CNBD1: variants seen among roughly 807,000 people sequenced by gnomAD.
CNBD1 encodes cyclic nucleotide binding domain containing 1.
A neutral mutation model predicts 54.4 loss-of-function variants in CNBD1; 71 were observed. The observed-to-expected ratio is 1.30, with a 90% CI of 1.08 to 1.59. The LOEUF is 1.59. Ranked by LOEUF, CNBD1 falls within the 40% of genes most tolerant of loss-of-function variation. The pLI is 0.00. For synonymous variants in CNBD1, 182 were observed against 170.7 expected, an observed-to-expected ratio of 1.07 and a Z score of -0.51; for missense variants, 659 against 518.0, an observed-to-expected ratio of 1.27 and a Z score of -2.64.
At chr8:87,171,224 G>A (rs759882049) in intron 4 of CNBD1, among the ~76,000 whole-genome samples, 33 of 151,976 alleles carry the variant, frequency 2.2e-4, no homozygotes, top group South Asian at 1.5e-3. Context: ...ACAGCTTTTC[G>A]ATTTATTCCT....
At chr8:87,371,628 G>T (rs996536926) in intron 10 of CNBD1, among the ~76,000 whole-genome samples, 21 of 152,062 alleles carry the variant, frequency 1.4e-4, no homozygotes, top group Non-Finnish European at 2.5e-4. Context: ...ACATCAAAAA[G>T]CTTATCCACT....
At chr8:87,061,828 A>G (rs1336926386) in intron 4 of CNBD1, among the ~76,000 whole-genome samples, 1 of 152,248 alleles carries the variant, frequency 6.6e-6, no homozygotes, top group Admixed American at 6.5e-5. Flanking sequence ...GAGCTCTGGC[A>G]GAGGGTCACA....
In CNBD1 at chr8:87,052,244, T is replaced by G. The variant is rs193057197; in HGVS notation, c.431+112490T>G. Among the ~76,000 whole-genome samples the G allele has an allele frequency of 1.7e-3, 255 of 152,340 alleles. 4 individuals carry two copies. The Middle Eastern group carries it at 0.02, about 12-fold the overall frequency. On this transcript the variant is annotated intron_variant, in intron 4 of 10. Transcript: ENST00000518476. ...TGCTCAGGAGATTTTTCTGAGGTGCTACTCAGTCCTATAGCCTGCTTCCAT... is the reference window on the plus strand; with the variant it reads ...TGCTCAGGAGATTTTTCTGAGGTGCGACTCAGTCCTATAGCCTGCTTCCAT...
At chr8:87,373,735 A>C (rs961497114) in intron 10 of CNBD1, among the ~76,000 whole-genome samples, 2 of 151,806 alleles carry the variant, frequency 1.3e-5, no homozygotes, top group African/African-American at 4.8e-5. Flanking sequence ...GTCAGATATC[A>C]AGTTCAAAAC....
At chr8:87,202,641 C>T (rs576899598) in intron 4 of CNBD1, among the ~76,000 whole-genome samples, 120 of 152,206 alleles carry the variant, frequency 7.9e-4, no homozygotes, top group Non-Finnish European at 1.4e-3. Flanking sequence ...GTTGAGGGAG[C>T]TCTGAGGAAA....
intron 4 of CNBD1, among the ~76,000 whole-genome samples, chr8:87,072,563 T>A: frequency 6.8e-6 from 1 of 147,602 alleles, no homozygotes; most frequent in Middle Eastern, 3.4e-3. Context: ...CTTTCACTTA[T>A]GAAGCTTAGT....
chr8:87,023,926 G>A (rs564069270), intron 4 of CNBD1, among the ~76,000 whole-genome samples: 1 of 152,248 alleles, frequency 6.6e-6, no homozygotes, highest in East Asian at 1.9e-4. Flanking sequence ...GAATACCTCT[G>A]ACTCATTTCG....
chr8:87,009,868 G>C (rs755914474), intron 4 of CNBD1, among the ~76,000 whole-genome samples: 2 of 152,070 alleles, frequency 1.3e-5, no homozygotes, highest in Non-Finnish European at 2.9e-5. Flanking sequence ...CAATAATTTT[G>C]TTAAGTTCTT....
chr8:87,384,075 T>C (rs190277457), downstream of CNBD1, among the ~76,000 whole-genome samples: 592 of 152,222 alleles, frequency 3.9e-3, 8 homozygotes, highest in African/African-American at 0.013. Context: ...GCCTTCAAAA[T>C]CATTTGGCTT....
At chr8:87,359,077 C>T (rs1381950446) in intron 10 of CNBD1, among the ~76,000 whole-genome samples, 4 of 152,068 alleles carry the variant, frequency 2.6e-5, no homozygotes, top group Admixed American at 6.6e-5. Context: ...ATCCCTTAGC[C>T]CAGTCAAGGT....
At chr8:86,966,231 T>A (rs2130480876) in intron 4 of CNBD1, among the ~76,000 whole-genome samples, 1 of 152,270 alleles carries the variant, frequency 6.6e-6, no homozygotes, top group South Asian at 2.1e-4. Flanking sequence ...GGAATCAATC[T>A]GCCTCCAGGG....
At chr8:87,024,979 A>C (rs1399334191) in intron 4 of CNBD1, among the ~76,000 whole-genome samples, 1 of 152,224 alleles carries the variant, frequency 6.6e-6, no homozygotes, top group Non-Finnish European at 1.5e-5. Flanking sequence ...AAAGAGGCTA[A>C]CATCTTTCTG....
At chr8:87,391,087 G>T (rs960946345) in intron 2 of CNBD1, among the ~76,000 whole-genome samples, 1 of 146,684 alleles carries the variant, frequency 6.8e-6, no homozygotes. Context: ...ACCGGGGCCT[G>T]TTGTGGGGTG....
intron 6 of CNBD1, among the ~76,000 whole-genome samples, chr8:87,258,220 T>C (rs1385599839): frequency 6.6e-6 from 1 of 152,070 alleles, no homozygotes; most frequent in South Asian, 2.1e-4. Context: ...TTAAAACACT[T>C]GATATTGTAA....
chr8:87,222,058 A>G (rs1586339857), intron 5 of CNBD1, among the ~76,000 whole-genome samples: 1 of 152,096 alleles, frequency 6.6e-6, no homozygotes. Context: ...TATCTCTGCA[A>G]TCATTTAGAC....
At chr8:87,078,332 T>C (rs1274742681) in intron 4 of CNBD1, among the ~76,000 whole-genome samples, 1 of 152,208 alleles carries the variant, frequency 6.6e-6, no homozygotes, top group Non-Finnish European at 1.5e-5. Context: ...GCTAAAATAA[T>C]AAAATAATGT....
intron 3 of CNBD1, among the ~76,000 whole-genome samples, chr8:86,930,069 G>A (rs1451298425): frequency 6.6e-6 from 1 of 152,188 alleles, no homozygotes; most frequent in Admixed American, 6.5e-5. Context: ...TCCTAGATGA[G>A]TATTTGCCCT....
At chr8:86,867,595 G>T (rs35023253) in intron 1 of CNBD1, among the ~76,000 whole-genome samples, 20,919 of 152,028 alleles carry the variant, frequency 0.14, 1,562 homozygotes, top group African/African-American at 0.18. Flanking sequence ...AATTCCATTT[G>T]TATTATAGTG....
intron 4 of CNBD1, among the ~76,000 whole-genome samples, chr8:87,059,752 T>G (rs1224568871): frequency 6.6e-6 from 1 of 152,210 alleles, no homozygotes; most frequent in Admixed American, 6.5e-5. Context: ...GGAACTATAA[T>G]TCAAAATTAG....
Sources: gnomAD v4.1 joint callset for allele counts (sites outside exome capture counted in the v4.1 genomes callset) on GRCh38, gnomAD v4.1.1 for gene constraint, MANE v1.5 for transcripts, NCBI Gene and HGNC (gene_info 2026-07-23, HGNC 2026-07-21) for gene names.